Variants in ARHGAP12 observed in about 807,000 individuals in gnomAD.
ARHGAP12 encodes the protein rho GTPase-activating protein 12.
ARHGAP12 carries 64 observed loss-of-function variants against 108.6 expected under a neutral mutation model. That is an observed-to-expected ratio of 0.59 (90% CI 0.48 to 0.73). The LOEUF (loss-of-function observed/expected upper bound fraction) is 0.73, where lower values mean the gene tolerates loss of function less well. ARHGAP12 is among the 30% of genes least tolerant of loss of function. The pLI is 0.00. For synonymous variants in ARHGAP12, 312 were observed against 337.2 expected (o/e 0.93, Z 0.82); for missense variants, 940 against 1,005.9 (o/e 0.93, Z 0.89).
At chr10:31,879,104 T>C (rs1196400808) in intron 3 of ARHGAP12, among the ~76,000 whole-genome samples, 1 of 152,204 alleles carries the variant, frequency 6.6e-6, no homozygotes, top group Non-Finnish European at 1.5e-5. Flanking sequence ...TAAGGTTTAA[T>C]ATCTATTTAA....
At chr10:31,877,184 A>C (rs193105808) in intron 3 of ARHGAP12, among the ~76,000 whole-genome samples, 1 of 152,356 alleles carries the variant, frequency 6.6e-6, no homozygotes, top group African/African-American at 2.4e-5. Context: ...GCGCATTAGA[A>C]TGAGATATAC....
intron 3 of ARHGAP12, among the ~76,000 whole-genome samples, chr10:31,878,250 A>T (rs1210132106): frequency 2.0e-5 from 3 of 152,208 alleles, no homozygotes; most frequent in African/African-American, 7.2e-5. Flanking sequence ...CCCAATTTTA[A>T]CTTTTGTTGA....
At chr10:31,811,047 T>C (rs1165472974) in intron 15 of ARHGAP12, among the ~76,000 whole-genome samples, 4 of 152,212 alleles carry the variant, frequency 2.6e-5, no homozygotes, top group African/African-American at 7.2e-5. Context: ...TCAGCTAAAA[T>C]GTCACCTACT....
At chr10:31,847,873 G>A (rs1398997720) in intron 6 of ARHGAP12, among the ~76,000 whole-genome samples, 1 of 152,164 alleles carries the variant, frequency 6.6e-6, no homozygotes, top group Non-Finnish European at 1.5e-5. Context: ...GGCTTTTGTG[G>A]TGTTCACCTG....
At chr10:31,809,351 T>C in intron 16 of ARHGAP12, 44 bp from the exon 17 acceptor site, 1 of 1,560,208 alleles carries the variant, frequency 6.4e-7, no homozygotes, top group South Asian at 1.1e-5. Flanking sequence ...TTTAAAGTAC[T>C]TCTTTGCCTC....
At chr10:31,919,809 C>CA (rs1490604899) in intron 1 of ARHGAP12, among the ~76,000 whole-genome samples, 181 of 139,264 alleles carry the variant, frequency 1.3e-3, no homozygotes, top group African/African-American at 4.3e-3. Context: ...AAAACAAAAC[C>CA]AAAAAAAACA....
intron 3 of ARHGAP12, among the ~76,000 whole-genome samples, chr10:31,880,203 A>G (rs761928098): frequency 2.6e-5 from 4 of 152,218 alleles, no homozygotes; most frequent in Non-Finnish European, 5.9e-5. Flanking sequence ...CTTTTCGATC[A>G]GTGGTTTCTC....
At chr10:31,831,836 T>C (rs1306471447) in intron 9 of ARHGAP12, 36 bp from the exon 10 acceptor site, 8 of 1,363,342 alleles carry the variant, frequency 5.9e-6, no homozygotes, top group African/African-American at 1.5e-5. Context: ...TACAATCACA[T>C]AGACAATGAG....
chr10:31,852,498 C>T lies in ARHGAP12; in HGVS notation c.1170+19G>A, dbSNP rs758596727. 5 of 1,552,980 alleles carry T rather than the reference C, an allele frequency of 3.2e-6. No homozygotes were observed. The highest frequency in any genetic ancestry group is 1.7e-5 in the Admixed American group (1 of 59,650). ...CATCTACTATTTTTAAATAGAAATT[C>T]GGTGTCAAGGTTTATTACCTTTGGC... On this transcript the variant is annotated intron_variant, in intron 6 of 19. Transcript: ENST00000344936.
At position 31,814,282 on chromosome 10, in the gene ARHGAP12, T is replaced by C. The variant is rs751258452; in HGVS notation, c.1811A>G (p.Gln604Arg). The C allele has an allele frequency of 1.2e-6, 2 of 1,613,962 alleles. No individual in the cohort carries two copies. The highest frequency in any genetic ancestry group is 2.2e-5 in the East Asian group (1 of 44,864). The change falls in exon 14 of 20, where the codon CAA becomes CGA. Residue 604 changes from glutamine to arginine, a missense_variant. Gln to Arg is a conservative substitution (Grantham distance 43, BLOSUM62 1). Coordinates refer to ENST00000344936, the MANE Select transcript of ARHGAP12 (RefSeq NM_018287.7). ...GIEKHDKEKE[Q>R]KDPKKLRSFK... is the part of the protein sequence containing the mutation. ...ACAACGAAGCTTTTTGGGATCCTTT[T>C]GTTCCTTTTCTTTATCATGCTTTTC...
intron 7 of ARHGAP12, among the ~76,000 whole-genome samples, chr10:31,841,117 A>G (rs1399856297): frequency 2.0e-5 from 3 of 152,180 alleles, no homozygotes; most frequent in Admixed American, 6.5e-5. Flanking sequence ...CAGTAATAAC[A>G]TATGTACAAT....
chr10:31,822,491 T>C (rs1231744134), intron 11 of ARHGAP12, among the ~76,000 whole-genome samples: 1 of 152,200 alleles, frequency 6.6e-6, no homozygotes, highest in African/African-American at 2.4e-5. Context: ...ACATACAACA[T>C]AAGCAAAGCT....
At chr10:31,856,912 A>C (rs1836906754) in intron 4 of ARHGAP12, among the ~76,000 whole-genome samples, 1 of 152,158 alleles carries the variant, frequency 6.6e-6, no homozygotes, top group South Asian at 2.1e-4. Flanking sequence ...TCACTGCAGG[A>C]AAAAAAACTA....
chr10:31,845,656 A>T (rs1305401890), intron 6 of ARHGAP12, among the ~76,000 whole-genome samples: 1 of 152,100 alleles, frequency 6.6e-6, no homozygotes, highest in African/African-American at 2.4e-5. Flanking sequence ...TTGGTGGTGC[A>T]TTGCTATAGG....
intron 3 of ARHGAP12, among the ~76,000 whole-genome samples, chr10:31,873,205 C>G (rs373993581): frequency 9.9e-5 from 15 of 152,114 alleles, no homozygotes; most frequent in African/African-American, 3.6e-4. Flanking sequence ...ATAATCAGCA[C>G]GCAAATTACT....
intron 11 of ARHGAP12, among the ~76,000 whole-genome samples, chr10:31,824,569 G>A (rs1378618036): frequency 2.0e-5 from 3 of 152,100 alleles, no homozygotes; most frequent in Non-Finnish European, 4.4e-5. Flanking sequence ...TCGTGTGTAA[G>A]ATCTTCTACA....
At chr10:31,811,292 A>T (rs1032435788) in intron 15 of ARHGAP12, among the ~76,000 whole-genome samples, 1 of 152,344 alleles carries the variant, frequency 6.6e-6, no homozygotes, top group Admixed American at 6.5e-5. Flanking sequence ...TGATTATTTT[A>T]AAAACTATTA....
chr10:31,915,318 G>A lies in ARHGAP12; in HGVS notation c.-110-4755C>T, dbSNP rs763695989. Among the ~76,000 whole-genome samples the A allele has an allele frequency of 3.3e-5, 5 of 151,988 alleles. No homozygotes were observed. The South Asian group carries it at 6.2e-4, about 19-fold the overall frequency. ...GGAGAATTGCTTGAACCCGGGAGGC[G>A]GAGGTCGTGGTGGGCCAAGATAGCG... On this transcript the variant is annotated intron_variant, in intron 1 of 19. Coordinates refer to ENST00000344936, the MANE Select transcript of ARHGAP12 (RefSeq NM_018287.7).
intron 11 of ARHGAP12, among the ~76,000 whole-genome samples, chr10:31,825,788 G>A (rs1252710825): frequency 6.6e-6 from 1 of 152,098 alleles, no homozygotes; most frequent in Non-Finnish European, 1.5e-5. Context: ...AGTAATGATA[G>A]TAAGCACTCA....
Sources: allele counts gnomAD v4.1 joint callset (sites outside exome capture counted in the v4.1 genomes callset), GRCh38; gene constraint gnomAD v4.1.1; transcripts MANE v1.5; gene names NCBI Gene and HGNC (gene_info 2026-07-23, HGNC 2026-07-21).